The following CAPN13 variants were observed in gnomAD, a reference collection of about 807,000 sequenced individuals.
The protein encoded by CAPN13 is calpain 13, also known as calpain-13.
Under a neutral mutation model 98.4 loss-of-function variants are expected in CAPN13, and 90 were observed. The observed-to-expected ratio is 0.92, with a 90% CI of 0.77 to 1.09. The LOEUF (loss-of-function observed/expected upper bound fraction) is 1.09. CAPN13 is among the 50% of genes least tolerant of loss of function. CAPN13 has a pLI of 0.00. For synonymous variants in CAPN13, 330 were observed against 305.5 expected (o/e 1.08, Z -0.84); for missense variants, 887 against 841.3 (o/e 1.05, Z -0.67).
At chr2:30,800,361 G>T (rs1042582954) in intron 1 of CAPN13, among the ~76,000 whole-genome samples, 5 of 152,180 alleles carry the variant, frequency 3.3e-5, no homozygotes, top group African/African-American at 9.7e-5. Context: ...CACAGGCAGG[G>T]CAACCCCAGC....
At chr2:30,763,520 T>C (rs1672952162) in intron 6 of CAPN13, among the ~76,000 whole-genome samples, 1 of 152,254 alleles carries the variant, frequency 6.6e-6, no homozygotes, top group Admixed American at 6.5e-5. Flanking sequence ...AACTGGAGTT[T>C]AAACTGCATC....
chr2:30,738,881 GTGTA>G (rs1558613933), intron 15 of CAPN13, among the ~76,000 whole-genome samples: 3 of 151,336 alleles, frequency 2.0e-5, no homozygotes, highest in African/African-American at 7.4e-5. Flanking sequence ...TGTGTGTTGT[GTGTA>G]TGTGTGTGTG....
chr2:30,770,397 A>G lies in CAPN13; in HGVS notation c.440T>C (p.Val147Ala). The G allele has an allele frequency of 6.2e-7, 1 of 1,614,000 alleles. No homozygotes were observed. ...VEVVIDDRLP[V>A]QGDKCLFVRP... ...CACAAAGAGGCATTTATCTCCCTGG[A>G]CAGGTAGGCGGTCATCAATCACCAC... The change falls in exon 5 of 23, where the codon GTC becomes GCC. Residue 147 changes from valine to alanine, a missense_variant. Coordinates refer to ENST00000295055, the MANE Select transcript of CAPN13 (RefSeq NM_144575.3).
Position 30,754,346 on chromosome 2 carries a change from T to C in CAPN13, c.885A>G (p.Glu295=), listed in dbSNP as rs147497846. 3.3e-4 allele frequency: 530 copies of C among 1,605,296 alleles called. 3 individuals are homozygous for C. The African/African-American group carries it at 6.5e-3, about 20-fold the overall frequency. ...GCTGGCTTTTCCGCGGATCACAGGT[T>C]TCCTCCCACTCCTGAGACCTGAGCA... ...RWSDGSQEWE[E]TCDPRKSQLH... is the part of the protein sequence containing the mutation. Residue 295 remains glutamate, a synonymous_variant, in exon 9 of 23, where the codon GAA becomes GAG. Transcript: ENST00000295055.
intron 7 of CAPN13, among the ~76,000 whole-genome samples, chr2:30,760,443 T>TG (rs892965397): frequency 8.7e-5 from 13 of 149,236 alleles, no homozygotes; most frequent in South Asian, 2.1e-4. Flanking sequence ...GTGGGCATGG[T>TG]GGGGAGAAAA....
At chr2:30,779,781 C>A (rs912380610) in intron 2 of CAPN13, among the ~76,000 whole-genome samples, 1 of 151,882 alleles carries the variant, frequency 6.6e-6, no homozygotes, top group Non-Finnish European at 1.5e-5. Flanking sequence ...GAATTATATA[C>A]CAGAAAAACA....
chr2:30,751,189 C>T lies in CAPN13; in HGVS notation c.1150G>A (p.Val384Ile), dbSNP rs1672159142. ...SVQEPMEGTN[V>I]VVCVTVAVTP... ...ACAGCAACTGTGACGCACACGACAA[C>T]ATTGGTGCCTTCCATTGGCTCTTGC... The change falls in exon 11 of 23, where the codon GTT (valine) becomes ATT (isoleucine). Residue 384 changes from valine to isoleucine, a missense_variant. Val to Ile is a conservative substitution (Grantham distance 29). Coordinates refer to ENST00000295055, the MANE Select transcript of CAPN13 (RefSeq NM_144575.3). 1.9e-6 allele frequency: 3 copies of T among 1,613,896 alleles called. No individual in the cohort carries two copies. The highest frequency in any genetic ancestry group is 1.7e-5 in the Admixed American group (1 of 60,000).
chr2:30,742,328 T>A lies in CAPN13; in HGVS notation c.1477A>T (p.Lys493Ter). 2 of 1,603,966 alleles carry A rather than the reference T, an allele frequency of 1.2e-6. No individual in the cohort carries two copies. Among genetic ancestry groups the A allele is most frequent in the Non-Finnish European group, 1.7e-6 (2 of 1,175,202 alleles). Residue 493 changes from lysine to a stop codon, truncating the protein, a stop_gained and splice_region_variant, in exon 14 of 23, where the codon AAG becomes TAG. Transcript: ENST00000295055. LOFTEE classifies it high-confidence loss of function. ...HLSSHFNLRM[K>*]GSPSEHGSQQ... ...GCCAAACCTTGCTGCATACCTACCT[T>A]CATTCTGAGGTTGAAATGGCTGCTC... is the stretch of plus-strand genomic sequence containing the variant.
intron 22 of CAPN13, chr2:30,729,506 C>T (rs915201091): frequency 1.3e-5 from 2 of 152,146 alleles, no homozygotes; most frequent in Non-Finnish European, 2.9e-5. Context: ...CTTAAATATA[C>T]AATTGAAGAA....
intron 15 of CAPN13, among the ~76,000 whole-genome samples, chr2:30,740,092 T>TG (rs1329989730): frequency 0.1 from 13,885 of 132,896 alleles, 1,447 homozygotes; most frequent in Non-Finnish European, 0.17. Context: ...GTTTTTTTTT[T>TG]TTTTTTTTTT....
intron 1 of CAPN13, among the ~76,000 whole-genome samples, chr2:30,790,156 A>G (rs564068407): frequency 6.6e-6 from 1 of 152,300 alleles, no homozygotes; most frequent in East Asian, 1.9e-4. Flanking sequence ...TGTTCTCAGG[A>G]AGGGCCCACA....
At chr2:30,738,534 A>T in intron 15 of CAPN13, 77 bp from the exon 16 acceptor site, 1 of 1,459,068 alleles carries the variant, frequency 6.9e-7, no homozygotes, top group Non-Finnish European at 9.4e-7. Context: ...GCCGTGTAAA[A>T]GCACTCAGAT....
Position 30,732,478 on chromosome 2 carries a change from G to T in CAPN13, c.1887C>A (p.Pro629=). ...YSDSVGRVSF[P]SLVCFLMRLE... ...GCCGCATCAGGAAGCAGACCAGGCT[G>T]GGGAAGCTGACCCTGCCGACGCTGT... Residue 629 remains proline, a synonymous_variant, in exon 20 of 23, where the codon CCC becomes CCA. Transcript: ENST00000295055. The T allele has an allele frequency of 6.2e-7, 1 of 1,613,512 alleles. No homozygotes were observed. The highest frequency in any genetic ancestry group is 8.5e-7 in the Non-Finnish European group (1 of 1,179,758).
At chr2:30,791,049 G>A (rs903035541) in intron 1 of CAPN13, among the ~76,000 whole-genome samples, 3 of 152,086 alleles carry the variant, frequency 2.0e-5, no homozygotes, top group Non-Finnish European at 2.9e-5. Context: ...GGAGGGGGAC[G>A]GTACAATTCA....
At chr2:30,741,634 G>A (rs1254762833) in intron 15 of CAPN13, 9 of 1,245,772 alleles carry the variant, frequency 7.2e-6, no homozygotes, top group African/African-American at 1.5e-5. Context: ...GATTTAGAGG[G>A]CAATGCACCT....
At chr2:30,741,731 C>G (rs1671668270) in intron 15 of CAPN13, 177 bp downstream of exon 15, 1 of 1,460,726 alleles carries the variant, frequency 6.8e-7, no homozygotes, top group South Asian at 1.4e-5. Context: ...CGCCACGTCT[C>G]TACCGAGCTT....
At chr2:30,739,326 T>C (rs1045407256) in intron 15 of CAPN13, among the ~76,000 whole-genome samples, 8 of 152,102 alleles carry the variant, frequency 5.3e-5, no homozygotes, top group African/African-American at 1.9e-4. Context: ...AGAGTGGCAC[T>C]GGTCATGTAG....
chr2:30,791,260 G>C (rs1462354606), intron 1 of CAPN13, among the ~76,000 whole-genome samples: 1 of 152,174 alleles, frequency 6.6e-6, no homozygotes, highest in East Asian at 1.9e-4. Flanking sequence ...TGAATTAACG[G>C]AAAAATGATG....
intron 17 of CAPN13, chr2:30,737,161 C>A (rs916101992): frequency 2.0e-5 from 3 of 152,944 alleles, no homozygotes; most frequent in Non-Finnish European, 4.4e-5. Context: ...GGGTTACTCA[C>A]CCCGGGCCGT....
Sources: allele counts gnomAD v4.1 joint callset (sites outside exome capture counted in the v4.1 genomes callset), GRCh38; gene constraint gnomAD v4.1.1; transcripts MANE v1.5; gene names NCBI Gene and HGNC (gene_info 2026-07-23, HGNC 2026-07-21).